The following ZNF600 variants were observed in gnomAD, a reference collection of about 807,000 sequenced individuals.
ZNF600 encodes the protein zinc finger protein KR-ZNF1.
ZNF600 carries 4 observed loss-of-function variants against 7.3 expected under a neutral mutation model. That is an observed-to-expected ratio of 0.55 (90% confidence interval 0.27 to 1.25). ZNF600 has a LOEUF of 1.25. Among genes scored for constraint, ZNF600 ranks in the 50% most tolerant of loss-of-function variants. ZNF600 has a pLI of 0.12. For missense variants in ZNF600, 911 were observed against 922.1 expected, an observed-to-expected ratio of 0.99 and a Z score of 0.16; for synonymous variants, 290 against 308.9, an observed-to-expected ratio of 0.94 and a Z score of 0.64.
chr19:52,807,132 G>T, the ZNF600 span, among the ~76,000 whole-genome samples: 1 of 152,014 alleles, frequency 6.6e-6, no homozygotes, highest in Admixed American at 6.6e-5. Context: ...GGATTTTTTT[G>T]TTATTTTCAC....
chr19:52,787,113 C>T (rs373879565), upstream of ZNF600, among the ~76,000 whole-genome samples: 3 of 152,372 alleles, frequency 2.0e-5, no homozygotes, highest in African/African-American at 7.2e-5. Flanking sequence ...CCTTTCTATT[C>T]TCCATTCACT....
exon 4 of ZNF600, chr19:52,765,180 T>C: frequency 2.2e-6 from 1 of 463,830 alleles, no homozygotes; most frequent in Non-Finnish European, 4.4e-6. Context: ...GGAACAGTTA[T>C]CTCAAAAATG....
At chr19:52,815,599 C>T in the ZNF600 span, among the ~76,000 whole-genome samples, 16 of 146,308 alleles carry the variant, frequency 1.1e-4, 3 homozygotes, top group South Asian at 4.5e-4. Context: ...CCGAGGCGGG[C>T]GAATCATGAG....
intron 1 of ZNF600, among the ~76,000 whole-genome samples, chr19:52,783,439 G>C (rs1198557654): frequency 1.3e-5 from 2 of 152,108 alleles, no homozygotes; most frequent in Non-Finnish European, 1.5e-5. Context: ...TCGGCTCACT[G>C]CAAGCTCCGC....
At chr19:52,818,017 CT>C in the ZNF600 span, 4 of 1,606,808 alleles carry the variant, frequency 2.5e-6, no homozygotes, top group Admixed American at 3.3e-5. Context: ...TACCAAGATT[CT>C]TTAGAAGTCA....
At chr19:52,806,264 G>C in the ZNF600 span, among the ~76,000 whole-genome samples, 35 of 151,656 alleles carry the variant, frequency 2.3e-4, no homozygotes, top group African/African-American at 8.5e-4. Context: ...TGCGATCTCG[G>C]CTCACTGCAA....
the ZNF600 span, among the ~76,000 whole-genome samples, chr19:52,822,403 G>A: frequency 2.6e-5 from 4 of 152,036 alleles, 1 homozygote; most frequent in African/African-American, 9.7e-5. Flanking sequence ...CTTTTTAAAT[G>A]TTGAGAAAAT....
the ZNF600 span, chr19:52,799,562 G>C: frequency 6.6e-7 from 1 of 1,503,928 alleles, no homozygotes; most frequent in Non-Finnish European, 9.2e-7. Context: ...GACTTACAAG[G>C]GTTGAATTGT....
chr19:52,774,444 A>G, intron 3 of ZNF600, 131 bp downstream of exon 5: 5 of 920,056 alleles, frequency 5.4e-6, no homozygotes, highest in Non-Finnish European at 6.4e-6. Flanking sequence ...AAAAAAACAA[A>G]ACAAAAAAAC....
At chr19:52,833,567 CTCCTT>C in the ZNF600 span, among the ~76,000 whole-genome samples, 1 of 152,170 alleles carries the variant, frequency 6.6e-6, no homozygotes, top group African/African-American at 2.4e-5. Flanking sequence ...CCATGCCTGG[CTCCTT>C]TCCTTTCCTC....
At chr19:52,809,808 A>C in the ZNF600 span, 1 of 414,844 alleles carries the variant, frequency 2.4e-6, no homozygotes, top group South Asian at 2.9e-5. Flanking sequence ...AAAGGAGCCC[A>C]GTCTGAGCGG....
chr19:52,791,509 C>T (rs1010956521), upstream of ZNF600, among the ~76,000 whole-genome samples: 4 of 152,142 alleles, frequency 2.6e-5, no homozygotes, highest in Admixed American at 2.6e-4. Flanking sequence ...GAGGAAGAGC[C>T]ATGCCTGGCT....
chr19:52,788,070 C>G (rs1467543255), upstream of ZNF600, among the ~76,000 whole-genome samples: 1 of 152,102 alleles, frequency 6.6e-6, no homozygotes, highest in Admixed American at 6.6e-5. Flanking sequence ...TCACTGACAC[C>G]TTGGGGTCCA....
chr19:52,807,862 G>A, the ZNF600 span: 3 of 1,303,798 alleles, frequency 2.3e-6, no homozygotes, highest in Non-Finnish European at 3.2e-6. Context: ...AGGGGACAGT[G>A]AAAGTCCAGA....
At chr19:52,812,740 A>G in the ZNF600 span, among the ~76,000 whole-genome samples, 1 of 115,632 alleles carries the variant, frequency 8.6e-6, no homozygotes. Flanking sequence ...CCCCTCTGCG[A>G]GAAACACCCA....
chr19:52,789,356 T>G (rs2062785826), upstream of ZNF600, among the ~76,000 whole-genome samples: 1 of 152,180 alleles, frequency 6.6e-6, no homozygotes, highest in Admixed American at 6.5e-5. Flanking sequence ...TATCTAGGGA[T>G]GAGGTCTTGA....
At chr19:52,829,183 T>TTTTATTTTATTTTATTTTA in the ZNF600 span, among the ~76,000 whole-genome samples, 4 of 91,732 alleles carry the variant, frequency 4.4e-5, 1 homozygote, top group African/African-American at 1.5e-4. Flanking sequence ...TTTTTTTCTT[T>TTTTATTTTATTTTATTTTA]TTTTATTTTA....
At chr19:52,777,146 T>C (rs535235434) in intron 2 of ZNF600, among the ~76,000 whole-genome samples, 28 of 152,170 alleles carry the variant, frequency 1.8e-4, no homozygotes, top group South Asian at 4.1e-4. Flanking sequence ...TATGGGAGGC[T>C]GAGGTGGATG....
chr19:52,811,317 G>T, the ZNF600 span, among the ~76,000 whole-genome samples: 1 of 149,562 alleles, frequency 6.7e-6, no homozygotes, highest in Non-Finnish European at 1.5e-5. Context: ...CCGCCACCCC[G>T]TCTGGGAAGT....
Sources: gnomAD v4.1 joint callset for allele counts (sites outside exome capture counted in the v4.1 genomes callset) on GRCh38, gnomAD v4.1.1 for gene constraint, MANE v1.5 for transcripts, NCBI Gene and HGNC (gene_info 2026-07-23, HGNC 2026-07-21) for gene names.